Variants in CDH13 observed in about 807,000 individuals in gnomAD.
CDH13 encodes the protein cadherin-13.
Under a neutral mutation model 63.8 loss-of-function variants are expected in CDH13, and 24 were observed. The observed-to-expected ratio is 0.38, with a 90% CI of 0.27 to 0.53. The LOEUF (loss-of-function observed/expected upper bound fraction) is 0.53, where lower values mean the gene tolerates loss of function less well. CDH13 is among the 20% of genes least tolerant of loss of function. The probability of loss-of-function intolerance (pLI) is 0.85; values close to 1 mark genes in which losing one functional copy is unlikely to be tolerated. For synonymous variants in CDH13, 503 were observed against 355.3 expected (o/e 1.42, Z -4.67); for missense variants, 1,049 against 903.1 (o/e 1.16, Z -2.07).
rs2036873458 is a variant in CDH13, at chr16:82,801,934, TA to T, written c.46-56427del. Among the ~76,000 whole-genome samples the T allele has an allele frequency of 3.9e-5, 6 of 152,194 alleles. No homozygotes were observed. In the South Asian group the frequency reaches 1.2e-3, roughly 32 times the overall value. ...TTATTTGTGAAGTGATGCAGGAAACTACAGTAAGGAGTGCGGATGTGAATAA... is the reference window on the plus strand; with the variant it reads ...TTATTTGTGAAGTGATGCAGGAAACTCAGTAAGGAGTGCGGATGTGAATAA... On this transcript the variant is annotated intron_variant, in intron 1 of 13. Transcript: ENST00000567109.
Position 83,692,342 on chromosome 16 carries a change from G to A in CDH13, c.1538+13881G>A, listed in dbSNP as rs375638283. 7.6e-4 allele frequency among the ~76,000 whole-genome samples: 116 copies of A among 152,282 alleles called. 4 individuals are homozygous for A. In the South Asian group the frequency reaches 0.023, roughly 30 times the overall value. On this transcript the variant is annotated intron_variant, in intron 10 of 13. Transcript: ENST00000567109. ...CTCAAGGTTGCTCCCTGGACTCAAG[G>A]TTGCAGGAGGTCCCTAGGGATGCAT...
intron 4 of CDH13, 64 bp downstream of exon 4, chr16:83,125,565 G>T: frequency 1.2e-6 from 1 of 830,476 alleles, no homozygotes; most frequent in Non-Finnish European, 2.0e-6. Context: ...ACAGCAGACT[G>T]AGTATGACTG....
chr16:83,368,690 C>A (rs1001835517), intron 6 of CDH13, among the ~76,000 whole-genome samples: 4 of 151,160 alleles, frequency 2.6e-5, no homozygotes, highest in Non-Finnish European at 2.9e-5. Context: ...TTCCCCAAGT[C>A]CCCACAGTCC....
chr16:83,445,850 G>A (rs2072671550), intron 6 of CDH13, among the ~76,000 whole-genome samples: 1 of 152,146 alleles, frequency 6.6e-6, no homozygotes, highest in South Asian at 2.1e-4. Context: ...TACTTGGGGA[G>A]ATACTGAAGT....
At chr16:82,645,670 T>A (rs921451189) in intron 1 of CDH13, among the ~76,000 whole-genome samples, 1 of 152,194 alleles carries the variant, frequency 6.6e-6, no homozygotes, top group Admixed American at 6.5e-5. Flanking sequence ...TTTATCCTTA[T>A]CTTATCCTGT....
At chr16:83,029,542 T>A (rs1916115571) in intron 2 of CDH13, among the ~76,000 whole-genome samples, 1 of 152,176 alleles carries the variant, frequency 6.6e-6, no homozygotes, top group Non-Finnish European at 1.5e-5. Flanking sequence ...TTATAGTGAT[T>A]AGAATAAACT....
intron 11 of CDH13, among the ~76,000 whole-genome samples, chr16:83,769,033 C>T (rs1165204164): frequency 2.0e-5 from 3 of 152,084 alleles, no homozygotes; most frequent in Non-Finnish European, 2.9e-5. Context: ...GGTCACAGAA[C>T]GAGAAGATGG....
intron 7 of CDH13, among the ~76,000 whole-genome samples, chr16:83,518,100 T>A (rs749337833): frequency 8.5e-5 from 13 of 152,126 alleles, no homozygotes; most frequent in Non-Finnish European, 1.9e-4. Context: ...GTTAACCTCA[T>A]GCTGTTCTCA....
chr16:82,730,785 G>A, intron 1 of CDH13, among the ~76,000 whole-genome samples: 1 of 152,124 alleles, frequency 6.6e-6, no homozygotes, highest in East Asian at 1.9e-4. Flanking sequence ...CTTTCAGTTG[G>A]CTTAAGGTAA....
chr16:83,283,562 G>T (rs551169815), intron 5 of CDH13, among the ~76,000 whole-genome samples: 1 of 152,316 alleles, frequency 6.6e-6, no homozygotes, highest in East Asian at 1.9e-4. Flanking sequence ...CTGCACTCCA[G>T]CCTGGGCAAC....
intron 7 of CDH13, among the ~76,000 whole-genome samples, chr16:83,497,175 G>C (rs2151579675): frequency 6.6e-6 from 1 of 152,162 alleles, no homozygotes; most frequent in South Asian, 2.1e-4. Context: ...ATACCCAAAG[G>C]ACTATAAATC....
At chr16:82,799,550 G>A (rs549567952) in intron 1 of CDH13, among the ~76,000 whole-genome samples, 7 of 152,110 alleles carry the variant, frequency 4.6e-5, no homozygotes, top group Non-Finnish European at 8.8e-5. Context: ...CTAATTCCAC[G>A]TTGTAATCAA....
At chr16:82,809,326 T>C (rs1191211265) in intron 1 of CDH13, among the ~76,000 whole-genome samples, 2 of 140,346 alleles carry the variant, frequency 1.4e-5, no homozygotes, top group African/African-American at 5.3e-5. Flanking sequence ...AAAAAAAAAA[T>C]CACTGTAAAT....
At chr16:83,499,949 C>G (rs2074232717) in intron 7 of CDH13, among the ~76,000 whole-genome samples, 1 of 152,066 alleles carries the variant, frequency 6.6e-6, no homozygotes, top group South Asian at 2.1e-4. Flanking sequence ...ATTACAGGCG[C>G]CTGCCACCAC....
intron 1 of CDH13, among the ~76,000 whole-genome samples, chr16:82,725,092 G>C (rs1319228412): frequency 6.6e-6 from 1 of 151,986 alleles, no homozygotes; most frequent in Non-Finnish European, 1.5e-5. Context: ...GGTGATGATG[G>C]TGTTGATGGT....
chr16:82,675,337 C>A (rs929235997), intron 1 of CDH13, among the ~76,000 whole-genome samples: 4 of 152,114 alleles, frequency 2.6e-5, no homozygotes, highest in African/African-American at 9.7e-5. Flanking sequence ...TGGCTGTATA[C>A]TTGAAACATA....
chr16:83,053,817 C>T (rs982570363), intron 3 of CDH13, among the ~76,000 whole-genome samples: 2 of 152,046 alleles, frequency 1.3e-5, no homozygotes, highest in African/African-American at 2.4e-5. Context: ...ATACAGCAGC[C>T]CCCCTTATCT....
At chr16:83,427,907 G>A (rs1490821526) in intron 6 of CDH13, among the ~76,000 whole-genome samples, 1 of 152,228 alleles carries the variant, frequency 6.6e-6, no homozygotes, top group Non-Finnish European at 1.5e-5. Flanking sequence ...CCCAGGCAAA[G>A]GCAGAACTGC....
intron 2 of CDH13, among the ~76,000 whole-genome samples, chr16:82,984,750 G>T (rs552116744): frequency 6.6e-6 from 1 of 152,108 alleles, no homozygotes; most frequent in Non-Finnish European, 1.5e-5. Context: ...TTAAACCTAG[G>T]CAATTCAGTC....
Sources: gnomAD v4.1 joint callset for allele counts (sites outside exome capture counted in the v4.1 genomes callset) on GRCh38, gnomAD v4.1.1 for gene constraint, MANE v1.5 for transcripts, NCBI Gene and HGNC (gene_info 2026-07-23, HGNC 2026-07-21) for gene names.